The following JMJD1C variants were observed in gnomAD, a reference collection of about 807,000 sequenced individuals.
JMJD1C encodes jumonji domain containing 1C.
A neutral mutation model predicts 245.3 loss-of-function variants in JMJD1C; 31 were observed. The ratio of observed to expected loss-of-function variants is 0.13; its 90% CI spans 0.09 to 0.17. The LOEUF (loss-of-function observed/expected upper bound fraction) is 0.17. Among genes scored for constraint, JMJD1C ranks in the 10% least tolerant of loss-of-function variants. The pLI is 1.00. For synonymous variants in JMJD1C, 1,057 were observed against 1,017.4 expected (o/e 1.04, Z -0.74); for missense variants, 2,691 against 3,000.2 (o/e 0.90, Z 2.41).
intron 1 of JMJD1C, among the ~76,000 whole-genome samples, chr10:63,439,253 G>A (rs937845592): frequency 7.2e-5 from 11 of 152,102 alleles, no homozygotes; most frequent in Non-Finnish European, 1.2e-4. Flanking sequence ...GACCTCAGTA[G>A]CTTTCTTCTC....
chr10:63,499,576 CA>C (rs1954477395), intron 1 of JMJD1C, among the ~76,000 whole-genome samples: 1 of 152,008 alleles, frequency 6.6e-6, no homozygotes, highest in African/African-American at 2.4e-5. Flanking sequence ...TTCTAGTCCC[CA>C]TAGCAAAGAT....
chr10:63,191,549 C>G (rs1844802502), intron 16 of JMJD1C, among the ~76,000 whole-genome samples: 1 of 152,164 alleles, frequency 6.6e-6, no homozygotes, highest in Non-Finnish European at 1.5e-5. Context: ...CACCTAAACA[C>G]AAACCTGAGG....
chr10:63,392,824 C>CAAA (rs991038264), intron 1 of JMJD1C, among the ~76,000 whole-genome samples: 24 of 28,798 alleles, frequency 8.3e-4, no homozygotes, highest in African/African-American at 3.0e-3. Context: ...ACTTCGTCTC[C>CAAA]AAAAAAAAAA....
intron 1 of JMJD1C, among the ~76,000 whole-genome samples, chr10:63,383,217 TAA>T (rs11354894): frequency 0.43 from 61,584 of 144,810 alleles, 13,253 homozygotes; most frequent in South Asian, 0.53. Context: ...GAAGCTTCTT[TAA>T]AAAAAAAAAA....
chr10:63,435,986 T>C (rs1301805362), intron 1 of JMJD1C, among the ~76,000 whole-genome samples: 1 of 152,210 alleles, frequency 6.6e-6, no homozygotes, highest in Non-Finnish European at 1.5e-5. Context: ...TTAGATTCTA[T>C]ATTCAAAGAA....
intron 1 of JMJD1C, among the ~76,000 whole-genome samples, chr10:63,496,267 G>A (rs1232811019): frequency 1.3e-5 from 2 of 151,748 alleles, no homozygotes; most frequent in East Asian, 3.9e-4. Flanking sequence ...CAGAGAAGGG[G>A]GAGAAGACAG....
At chr10:63,249,876 A>C (rs753107372) in intron 3 of JMJD1C, among the ~76,000 whole-genome samples, 1 of 152,100 alleles carries the variant, frequency 6.6e-6, no homozygotes, top group African/African-American at 2.4e-5. Flanking sequence ...AAAAAAAGAA[A>C]AAAGAAAAAG....
chr10:63,286,498 G>T (rs544665056), intron 2 of JMJD1C, among the ~76,000 whole-genome samples: 1 of 152,294 alleles, frequency 6.6e-6, no homozygotes, highest in African/African-American at 2.4e-5. Flanking sequence ...TTTCTTAACA[G>T]ATCAGTTTCC....
At position 63,312,292 on chromosome 10, in the gene JMJD1C, G is replaced by C. The variant is rs185544044; in HGVS notation, c.334-47528C>G. ...CCAGCTAATTTCTGTATTTTTAGTA[G>C]AGACAGGGTTTCTCCATGTTGGTCA... On this transcript the variant is annotated intron_variant, in intron 2 of 25. Transcript: ENST00000399262. 2.4e-3 allele frequency among the ~76,000 whole-genome samples: 358 copies of C among 152,024 alleles called. 3 individuals are homozygous for C. The highest frequency in any genetic ancestry group is 7.7e-3 in the African/African-American group (321 of 41,480).
chr10:63,265,560 T>G (rs923060802), intron 2 of JMJD1C, among the ~76,000 whole-genome samples: 33 of 152,224 alleles, frequency 2.2e-4, no homozygotes, highest in Admixed American at 1.6e-3. Context: ...TCTTTATGAC[T>G]ATCACACTCA....
Position 63,450,071 on chromosome 10 carries a change from C to T in JMJD1C, c.168+15424G>A, listed in dbSNP as rs566990102. ...CGGGCTACAATGAGCTGTGATTGTG[C>T]CACTGCACTCCAGTATGGGTGACAG... On this transcript the variant is annotated intron_variant, in intron 1 of 25. Transcript: ENST00000399262. Among the ~76,000 whole-genome samples the T allele has an allele frequency of 3.3e-5, 5 of 152,158 alleles. No individual in the cohort carries two copies. In the East Asian group the frequency reaches 9.7e-4, roughly 29 times the overall value.
intron 1 of JMJD1C, among the ~76,000 whole-genome samples, chr10:63,419,909 G>C (rs1380840553): frequency 6.6e-6 from 1 of 151,514 alleles, no homozygotes; most frequent in African/African-American, 2.4e-5. Flanking sequence ...AGGCCAAGGT[G>C]GGCAGATCAC....
chr10:63,385,923 C>T (rs1947554737), intron 1 of JMJD1C, among the ~76,000 whole-genome samples: 1 of 151,858 alleles, frequency 6.6e-6, no homozygotes, highest in African/African-American at 2.4e-5. Context: ...AGAAATATAA[C>T]AAAAATGTTC....
chr10:63,484,243 TAGATAGATAGATAGATAGATAGATAGATA>T (rs918776212), intron 1 of JMJD1C, among the ~76,000 whole-genome samples: 1 of 11,790 alleles, frequency 8.5e-5, no homozygotes, highest in African/African-American at 1.7e-4. Flanking sequence ...GATGGATAGA[TAGATAGATAGATAGATAGATAGATAGATA>T]AGATAGATAG....
At position 63,196,305 on chromosome 10, in the gene JMJD1C, C is replaced by T. The variant is rs115533576; in HGVS notation, c.5644+1106G>A. On this transcript the variant is annotated intron_variant, in intron 13 of 25. Transcript: ENST00000399262. ...AGAAAGAAAATCATCAACAATACAACAATTTACTTTTAATATAAATATTCT... is the reference window on the plus strand; with the variant it reads ...AGAAAGAAAATCATCAACAATACAATAATTTACTTTTAATATAAATATTCT... Among the ~76,000 whole-genome samples the T allele has an allele frequency of 9.6e-3, 1,453 of 151,814 alleles. 25 individuals carry two copies. The highest frequency in any genetic ancestry group is 0.033 in the African/African-American group (1,380 of 41,444).
rs1846835958 is a variant in JMJD1C at position 63,207,882 on chromosome 10, T to C, written c.3787A>G (p.Asn1263Asp). 1.9e-6 allele frequency: 3 copies of C among 1,614,032 alleles called. No individual in the cohort carries two copies. Among genetic ancestry groups the C allele is most frequent in the African/African-American group, 2.7e-5 (2 of 74,910 alleles). Residue 1263 changes from asparagine (N) to aspartate (D), a missense_variant, in exon 10 of 26, where the codon AAT becomes GAT. Around this residue, in one of 9 missense-constraint regions of JMJD1C, gnomAD observed 1,562 missense variants for 1,490.7 expected, o/e 1.05. Coordinates refer to ENST00000399262, the MANE Select transcript of JMJD1C (RefSeq NM_032776.3). ...LIPEPKDSQA[N>D]FKSSSEQSLT... ...CTCTGTTCTGAAGAACTCTTAAAAT[T>C]TGCCTGGGAGTCTTTTGGTTCGGGT...
intron 1 of JMJD1C, among the ~76,000 whole-genome samples, chr10:63,477,499 AG>A (rs1186722837): frequency 2.0e-5 from 3 of 151,588 alleles, no homozygotes; most frequent in Non-Finnish European, 4.4e-5. Context: ...AATTCAACAG[AG>A]AAAGGATGAT....
At chr10:63,363,252 CTTTTTTTTTTT>C (rs71463517) in intron 2 of JMJD1C, among the ~76,000 whole-genome samples, 1 of 99,866 alleles carries the variant, frequency 1.0e-5, no homozygotes, top group African/African-American at 3.8e-5. Context: ...TCATACAATT[CTTTTTTTTTTT>C]TTTTTTTTTT....
At chr10:63,237,901 T>C (rs1180454375) in intron 3 of JMJD1C, among the ~76,000 whole-genome samples, 1 of 148,540 alleles carries the variant, frequency 6.7e-6, no homozygotes, top group African/African-American at 2.5e-5. Flanking sequence ...CCAGGCACAG[T>C]GGCTCATGCC....
Sources: gnomAD v4.1 joint callset for allele counts (sites outside exome capture counted in the v4.1 genomes callset) on GRCh38, gnomAD v4.1.1 for gene constraint, gnomAD v4.1.1 regional missense constraint, MANE v1.5 for transcripts, NCBI Gene and HGNC (gene_info 2026-07-23, HGNC 2026-07-21) for gene names.